Variants in ADHFE1 observed in about 807,000 individuals in gnomAD.
The protein encoded by ADHFE1 is hydroxyacid-oxoacid transhydrogenase, mitochondrial.
ADHFE1 carries 37 observed loss-of-function variants against 54.8 expected under a neutral mutation model. That is an observed-to-expected ratio of 0.68 (90% CI 0.52 to 0.89). The LOEUF (loss-of-function observed/expected upper bound fraction) is 0.89. Ranked by LOEUF, ADHFE1 falls within the 40% of genes least tolerant of loss-of-function variation. ADHFE1 has a pLI of 0.00. For synonymous variants in ADHFE1, 203 were observed against 229.3 expected (o/e 0.89, Z 1.04); for missense variants, 601 against 591.2 (o/e 1.02, Z -0.17).
At position 66,468,350 on chromosome 8, in the gene ADHFE1, T is replaced by C; in HGVS notation, c.1402T>C (p.Ter468GlnextTer4). Residue 468 changes from the stop codon to glutamine, a stop_lost, in exon 14 of 14, where the codon TAA becomes CAA. Coordinates refer to ENST00000396623, the MANE Select transcript of ADHFE1 (RefSeq NM_144650.3). ...GTTTGAAGCTTCAATGAAACTGTAT[T>C]AATTGTCATTTTAACTGAAAGAATT... ...ALFEASMKLY[*>Q] 6.2e-7 allele frequency: 1 copy of C among 1,611,696 alleles called. No homozygotes were observed. The highest frequency in any genetic ancestry group is 2.2e-5 in the East Asian group (1 of 44,798).
chr8:66,442,955 TCCA>T lies in ADHFE1; in HGVS notation c.144+112_144+114del, dbSNP rs931878022. 9 of 926,054 alleles carry T rather than the reference TCCA, an allele frequency of 9.7e-6. No homozygotes were observed. In the African/African-American group the frequency reaches 1.4e-4, roughly 14 times the overall value. 57.4% of individuals were successfully genotyped at this position (926,054 alleles called of 1,614,324 possible). On this transcript the variant is annotated intron_variant, in intron 3 of 13. Coordinates refer to ENST00000396623, the MANE Select transcript of ADHFE1 (RefSeq NM_144650.3). ...TTTTAAATCTGTTATTAATTCACAT[TCCA>T]TAATCTCTATTTGATCAGACCATAT...
At chr8:66,445,592 T>C (rs1371765853) in intron 6 of ADHFE1, among the ~76,000 whole-genome samples, 178 bp downstream of exon 6, 7 of 152,186 alleles carry the variant, frequency 4.6e-5, no homozygotes, top group Non-Finnish European at 8.8e-5. Flanking sequence ...TTCATTATTG[T>C]ATAGATAAAG....
intron 13 of ADHFE1, among the ~76,000 whole-genome samples, chr8:66,461,698 A>G (rs1050215969): frequency 2.0e-5 from 3 of 151,758 alleles, no homozygotes; most frequent in South Asian, 2.1e-4. Context: ...CAAGCAGAAG[A>G]TCAGGTCCCA....
Position 66,432,527 on chromosome 8 carries a change from C to T in ADHFE1, c.11C>T (p.Ala4Val). 3 of 1,359,848 alleles carry T rather than the reference C, an allele frequency of 2.2e-6. No individual in the cohort carries two copies. The highest frequency in any genetic ancestry group is 3.0e-5 in the East Asian group (1 of 33,428). The allele number at this position is 1,359,848 out of a possible 1,614,324, so 84.2% of individuals were successfully genotyped here. The change falls in exon 1 of 14, where the codon GCC becomes GTC. Residue 4 changes from alanine to valine, a missense_variant. Coordinates refer to ENST00000396623, the MANE Select transcript of ADHFE1 (RefSeq NM_144650.3). Reference sequence around the variant, plus strand: ...AGGACTCCAAGCGCCATGGCCGCTGCCGCCCGAGCCCGGGTCGCGTACTTG... The same window carrying T: ...AGGACTCCAAGCGCCATGGCCGCTGTCGCCCGAGCCCGGGTCGCGTACTTG... MAA[A>V]ARARVAYLLR...
At position 66,444,406 on chromosome 8, in the gene ADHFE1, A is replaced by C; in HGVS notation, c.184A>C (p.Lys62Gln). 6.2e-7 allele frequency: 1 copy of C among 1,614,174 alleles called. No individual in the cohort carries two copies. Among genetic ancestry groups the C allele is most frequent in the Non-Finnish European group, 8.5e-7 (1 of 1,180,016 alleles). ...SNIRYGAAVTKEVGMDLKNMG... is the reference protein window; with the variant it reads ...SNIRYGAAVTQEVGMDLKNMG... ...TATTAGATATGGAGCAGCAGTTACA[A>C]AGGAAGTAGGAATGGCAAGTATTCG... The change falls in exon 4 of 14, where the codon AAG becomes CAG. Residue 62 changes from lysine to glutamine, a missense_variant. By Grantham distance (53) the Lys-to-Gln change is moderately conservative. Coordinates refer to ENST00000396623, the MANE Select transcript of ADHFE1 (RefSeq NM_144650.3).
intron 12 of ADHFE1, 34 bp from the exon 13 acceptor site, chr8:66,460,274 T>G: frequency 6.2e-7 from 1 of 1,611,406 alleles, no homozygotes; most frequent in Non-Finnish European, 8.5e-7. Context: ...CGTTTCTTCC[T>G]CTCTCCCTAC....
At chr8:66,450,161 T>C (rs1806227723) in intron 8 of ADHFE1, among the ~76,000 whole-genome samples, 1 of 152,204 alleles carries the variant, frequency 6.6e-6, no homozygotes, top group Non-Finnish European at 1.5e-5. Context: ...TAGAAAATTG[T>C]GTCTAACTCC....
At chr8:66,445,188 C>G (rs1033126227) in intron 5 of ADHFE1, 30 bp from the exon 6 acceptor site, 1 of 1,560,842 alleles carries the variant, frequency 6.4e-7, no homozygotes, top group African/African-American at 1.4e-5. Flanking sequence ...AAAAATATAA[C>G]ATACTGGTTT....
At chr8:66,447,394 C>A in intron 7 of ADHFE1, 53 bp downstream of exon 7, 1 of 1,336,398 alleles carries the variant, frequency 7.5e-7, no homozygotes, top group Non-Finnish European at 1.1e-6. Context: ...CCACACTCTT[C>A]TTTAAATCCT....
rs115576928 is a variant in ADHFE1 at position 66,444,233 on chromosome 8, G to A, written c.145-134G>A. ...CACTTCTTTAAGTGAGACCAGGTGG[G>A]AGATGACCTGGAAGACCATGCTAAG... is the stretch of plus-strand genomic sequence containing the variant. On this transcript the variant is annotated intron_variant, in intron 3 of 13. Transcript: ENST00000396623. The A allele has an allele frequency of 1.0e-3, 766 of 738,818 alleles. 3 individuals are homozygous for A. The African/African-American group carries it at 0.012, about 12-fold the overall frequency. The allele number at this position is 738,818 out of a possible 1,614,324, so 45.8% of individuals were successfully genotyped here. A position where few individuals can be genotyped will look rare whatever the true frequency, so the allele number is the denominator to read the frequency against.
intron 13 of ADHFE1, among the ~76,000 whole-genome samples, chr8:66,460,952 T>C (rs1157725340): frequency 6.6e-6 from 1 of 152,230 alleles, no homozygotes; most frequent in East Asian, 1.9e-4. Context: ...ATGTGGGAGA[T>C]TGTATACTTG....
chr8:66,464,111 C>T (rs910356326), intron 13 of ADHFE1, among the ~76,000 whole-genome samples: 3 of 152,212 alleles, frequency 2.0e-5, no homozygotes, highest in East Asian at 1.9e-4. Flanking sequence ...ATTTCATGAA[C>T]GTGCTAAAAG....
Position 66,444,408 on chromosome 8 carries a change from G to A in ADHFE1, c.186G>A (p.Lys62=). ...SNIRYGAAVT[K]EVGMDLKNMG... ...TTAGATATGGAGCAGCAGTTACAAA[G>A]GAAGTAGGAATGGCAAGTATTCGAG... Residue 62 remains lysine, a synonymous_variant, in exon 4 of 14, where the codon AAG becomes AAA. Transcript: ENST00000396623. The A allele has an allele frequency of 6.2e-7, 1 of 1,614,104 alleles. No homozygotes were observed. The highest frequency in any genetic ancestry group is 8.5e-7 in the Non-Finnish European group (1 of 1,179,990).
intron 10 of ADHFE1, among the ~76,000 whole-genome samples, chr8:66,456,577 A>G (rs1806597660): frequency 6.6e-6 from 1 of 152,232 alleles, no homozygotes; most frequent in African/African-American, 2.4e-5. Flanking sequence ...ATACTTTTTA[A>G]TGTCATACAA....
intron 1 of ADHFE1, among the ~76,000 whole-genome samples, chr8:66,433,806 A>C (rs1156393927): frequency 6.6e-6 from 1 of 152,260 alleles, no homozygotes; most frequent in Non-Finnish European, 1.5e-5. Flanking sequence ...TGGAGAATCA[A>C]AATATACATT....
chr8:66,468,284 C>T lies in ADHFE1; in HGVS notation c.1336C>T (p.Leu446Phe). The change falls in exon 14 of 14, where the codon CTT becomes TTT. Residue 446 changes from leucine to phenylalanine, a missense_variant. By Grantham distance (22) the Leu-to-Phe change is conservative. Transcript: ENST00000396623. The part of the protein sequence containing the change: ...GTLPQERVTK[L>F]APCPQSEEDL... ...ACTGTTTCAGGAAAGGGTCACCAAG[C>T]TTGCACCCTGTCCCCAGTCAGAAGA... is the stretch of plus-strand genomic sequence containing the variant. The T allele has an allele frequency of 6.2e-7, 1 of 1,613,012 alleles. No individual in the cohort carries two copies. Among genetic ancestry groups the T allele is most frequent in the Non-Finnish European group, 8.5e-7 (1 of 1,179,462 alleles).
chr8:66,465,426 A>G (rs894080696), intron 13 of ADHFE1, among the ~76,000 whole-genome samples: 1 of 152,150 alleles, frequency 6.6e-6, no homozygotes, highest in African/African-American at 2.4e-5. Flanking sequence ...AATGGTGTGA[A>G]GTGGTATCTT....
In ADHFE1 at chr8:66,445,411, G is replaced by A; in HGVS notation, c.547G>A (p.Ala183Thr). The A allele has an allele frequency of 6.2e-7, 1 of 1,607,202 alleles. No homozygotes were observed. Among genetic ancestry groups the A allele is most frequent in the Non-Finnish European group, 8.5e-7 (1 of 1,178,106 alleles). Residue 183 changes from alanine to threonine, a missense_variant, in exon 6 of 14, where the codon GCA becomes ACA. Ala to Thr is a moderately conservative substitution (Grantham distance 58). Transcript: ENST00000396623. Reference sequence around the variant, plus strand: ...GTCTGTGCCTCTTAAGCCTCTGATTGCAGGTAAAGACTGTTTATTTCTTTG... The same window carrying A: ...GTCTGTGCCTCTTAAGCCTCTGATTACAGGTAAAGACTGTTTATTTCTTTG... Reference protein sequence around the residue: ...PVSVPLKPLIAVPTTSGTGSE... With the variant: ...PVSVPLKPLITVPTTSGTGSE...
intron 2 of ADHFE1, among the ~76,000 whole-genome samples, chr8:66,440,885 G>A (rs1805711527): frequency 6.6e-6 from 1 of 152,182 alleles, no homozygotes; most frequent in African/African-American, 2.4e-5. Flanking sequence ...GACCATCCAG[G>A]ATCCTAAGCA....
Sources: gnomAD v4.1 joint callset for allele counts (sites outside exome capture counted in the v4.1 genomes callset) on GRCh38, gnomAD v4.1.1 for gene constraint, MANE v1.5 for transcripts, NCBI Gene and HGNC (gene_info 2026-07-23, HGNC 2026-07-21) for gene names.